Variants in KIF26B observed in about 807,000 individuals in gnomAD.
KIF26B encodes kinesin-like protein KIF26B.
KIF26B carries 63 observed loss-of-function variants against 151.2 expected under a neutral mutation model. The observed-to-expected ratio is 0.42, with a 90% CI of 0.34 to 0.51. The LOEUF (loss-of-function observed/expected upper bound fraction) is 0.51. Among genes scored for constraint, KIF26B ranks in the 20% least tolerant of loss-of-function variants. The probability of loss-of-function intolerance (pLI) is 0.07; values close to 1 mark genes in which losing one functional copy is unlikely to be tolerated. For synonymous variants in KIF26B, 1,357 were observed against 1,262.1 expected, an observed-to-expected ratio of 1.08 and a Z score of -1.59; for missense variants, 2,813 against 2,913.6, an observed-to-expected ratio of 0.97 and a Z score of 0.79.
intron 2 of KIF26B, among the ~76,000 whole-genome samples, chr1:245,223,047 G>T (rs1460187876): frequency 1.3e-5 from 2 of 152,012 alleles, no homozygotes; most frequent in African/African-American, 2.4e-5. Context: ...TGCCCCCCAG[G>T]AATATCTGAC....
intron 2 of KIF26B, among the ~76,000 whole-genome samples, chr1:245,158,549 C>T (rs1425535463): frequency 6.6e-6 from 1 of 152,160 alleles, no homozygotes; most frequent in Non-Finnish European, 1.5e-5. Context: ...TTTGCTGAAC[C>T]CCCATGCTCT....
At chr1:245,272,000 A>G (rs115747821) in intron 2 of KIF26B, among the ~76,000 whole-genome samples, 4,021 of 151,864 alleles carry the variant, frequency 0.026, 67 homozygotes, top group African/African-American at 0.036. Context: ...TTTTTGGGAG[A>G]TTTTTGGTTA....
In KIF26B at chr1:245,315,953, A is replaced by G. The variant is rs1671765591; in HGVS notation, c.466-50881A>G. Among the ~76,000 whole-genome samples the G allele has an allele frequency of 2.0e-5, 3 of 152,128 alleles. No homozygotes were observed. In the South Asian group the frequency reaches 6.2e-4, roughly 32 times the overall value. On this transcript the variant is annotated intron_variant, in intron 2 of 14. Transcript: ENST00000407071. ...AATAAAAATAAATTTCTATTAAAGT[A>G]CATATCATTAATTCCACAAATGCAA...
At chr1:245,182,563 G>T (rs921716466) in intron 2 of KIF26B, among the ~76,000 whole-genome samples, 2 of 152,054 alleles carry the variant, frequency 1.3e-5, no homozygotes, top group Non-Finnish European at 2.9e-5. Flanking sequence ...GTGGACATAT[G>T]GTTTCATTTC....
chr1:245,565,224 T>C (rs2042997376), intron 5 of KIF26B, among the ~76,000 whole-genome samples: 2 of 152,200 alleles, frequency 1.3e-5, no homozygotes, highest in Admixed American at 1.3e-4. Context: ...CTCTAGCTAT[T>C]GGTGGGCCCT....
intron 2 of KIF26B, among the ~76,000 whole-genome samples, chr1:245,235,930 AT>A (rs35318362): frequency 0.81 from 95,567 of 118,216 alleles, 37,378 homozygotes; most frequent in East Asian, 0.96. Flanking sequence ...TGCATCACTT[AT>A]TTTTTTTTTT....
rs183139767 is a variant in KIF26B, at chr1:245,442,431, A to C, written c.1166+22686A>C. ...TTTAGGTCGGGGTCCCCAGAAGCAG[A>C]TCTTGATGAAGTGAGGATTTCTCTG... On this transcript the variant is annotated intron_variant, in intron 4 of 14. Coordinates refer to ENST00000407071, the MANE Select transcript of KIF26B (RefSeq NM_018012.4). 4.0e-3 allele frequency among the ~76,000 whole-genome samples: 606 copies of C among 152,276 alleles called. 5 individuals carry two copies. Among genetic ancestry groups the C allele is most frequent in the African/African-American group, 0.013 (541 of 41,552 alleles).
chr1:245,428,349 G>T (rs2103040268), intron 4 of KIF26B, among the ~76,000 whole-genome samples: 1 of 152,218 alleles, frequency 6.6e-6, no homozygotes, highest in South Asian at 2.1e-4. Flanking sequence ...GCAACCAAGG[G>T]TATATTTAGT....
intron 5 of KIF26B, among the ~76,000 whole-genome samples, chr1:245,548,978 G>T (rs1241662952): frequency 1.3e-5 from 2 of 152,112 alleles, no homozygotes; most frequent in Non-Finnish European, 2.9e-5. Context: ...CTGACGTCAG[G>T]TGATCCACCC....
intron 5 of KIF26B, among the ~76,000 whole-genome samples, chr1:245,582,207 G>A (rs1023662857): frequency 6.6e-6 from 1 of 151,958 alleles, no homozygotes; most frequent in Non-Finnish European, 1.5e-5. Context: ...AGAGCTACAC[G>A]AGCTGTGAAT....
chr1:245,242,238 C>G (rs552078399), intron 2 of KIF26B, among the ~76,000 whole-genome samples: 6 of 152,182 alleles, frequency 3.9e-5, no homozygotes, highest in African/African-American at 1.2e-4. Context: ...GCCTTCCCCC[C>G]CCAAAATAGG....
chr1:245,393,179 G>GT (rs1009819930), intron 3 of KIF26B, among the ~76,000 whole-genome samples: 22 of 149,608 alleles, frequency 1.5e-4, no homozygotes, highest in Non-Finnish European at 3.3e-4. Flanking sequence ...TTAAAAGAAA[G>GT]AAAAAAAAAA....
At position 245,414,987 on chromosome 1, in the gene KIF26B, G is replaced by A. The variant is rs149069148; in HGVS notation, c.1000-4592G>A. Among the ~76,000 whole-genome samples the A allele has an allele frequency of 3.4e-3, 520 of 152,284 alleles. 4 individuals carry two copies. Among genetic ancestry groups the A allele is most frequent in the African/African-American group, 0.012 (504 of 41,546 alleles). Reference sequence around the variant, plus strand: ...TTCCAGCTCAACTTCCCTACTTGACGGCTGAGTGGCTTTGGACCAATCATC... The same window carrying A: ...TTCCAGCTCAACTTCCCTACTTGACAGCTGAGTGGCTTTGGACCAATCATC... On this transcript the variant is annotated intron_variant, in intron 3 of 14. Coordinates refer to ENST00000407071, the MANE Select transcript of KIF26B (RefSeq NM_018012.4).
chr1:245,590,224 C>CG (rs1010331375), intron 5 of KIF26B, among the ~76,000 whole-genome samples: 2 of 151,750 alleles, frequency 1.3e-5, no homozygotes, highest in African/African-American at 4.8e-5. Context: ...GAGCAGGGGT[C>CG]GGGGCCCCTG....
At chr1:245,392,246 A>C (rs1673720316) in intron 3 of KIF26B, among the ~76,000 whole-genome samples, 1 of 152,174 alleles carries the variant, frequency 6.6e-6, no homozygotes, top group African/African-American at 2.4e-5. Flanking sequence ...CCTACGCCAC[A>C]GAAATATTCA....
intron 2 of KIF26B, among the ~76,000 whole-genome samples, chr1:245,300,388 G>A (rs560106665): frequency 6.6e-5 from 10 of 152,172 alleles, no homozygotes; most frequent in Non-Finnish European, 1.2e-4. Context: ...CTTGGACTTG[G>A]TGTGGAGTCC....
intron 5 of KIF26B, among the ~76,000 whole-genome samples, chr1:245,550,132 A>T (rs1258404548): frequency 6.6e-6 from 1 of 152,292 alleles, no homozygotes; most frequent in South Asian, 2.1e-4. Flanking sequence ...TCTCTTTTCC[A>T]GTTCCCTCAG....
At chr1:245,695,158 A>G (rs1359461334) in intron 12 of KIF26B, among the ~76,000 whole-genome samples, 1 of 152,172 alleles carries the variant, frequency 6.6e-6, no homozygotes, top group African/African-American at 2.4e-5. Context: ...GAAATGCTGG[A>G]GCATGCAGAA....
At chr1:245,309,649 A>T (rs1163786104) in intron 2 of KIF26B, among the ~76,000 whole-genome samples, 1 of 148,262 alleles carries the variant, frequency 6.7e-6, no homozygotes, top group Admixed American at 6.8e-5. Context: ...TTATATATAT[A>T]ATATATAATA....
Sources: allele counts gnomAD v4.1 joint callset (sites outside exome capture counted in the v4.1 genomes callset), GRCh38; gene constraint gnomAD v4.1.1; transcripts MANE v1.5; gene names NCBI Gene and HGNC (gene_info 2026-07-23, HGNC 2026-07-21).